GASK1A: variants seen among roughly 807,000 people sequenced by gnomAD.
GASK1A encodes the protein Golgi-associated kinase 1A.
Under a neutral mutation model 41.2 loss-of-function variants are expected in GASK1A, and 40 were observed. The ratio of observed to expected loss-of-function variants is 0.97; its 90% CI spans 0.75 to 1.27. The LOEUF (loss-of-function observed/expected upper bound fraction) is 1.27, where lower values mean the gene tolerates loss of function less well. Among genes scored for constraint, GASK1A ranks in the 50% most tolerant of loss-of-function variants. The probability of loss-of-function intolerance (pLI) is 0.00; values close to 1 mark genes in which losing one functional copy is unlikely to be tolerated. For missense variants in GASK1A, 678 were observed against 745.1 expected, an observed-to-expected ratio of 0.91 and a Z score of 1.05; for synonymous variants, 316 against 307.1, an observed-to-expected ratio of 1.03 and a Z score of -0.30.
At position 43,053,699 on chromosome 3, in the gene GASK1A, C is replaced by T. The variant is rs188905033; in HGVS notation, c.1413+56C>T. ...CCCCAGACCCAGGTCTTTCTGTGTC[C>T]TTCAGAAGATGCTGTTAACAAGTTT... On this transcript the variant is annotated intron_variant, in intron 3 of 4. Transcript: ENST00000430121. 32 of 1,541,416 alleles carry T rather than the reference C, an allele frequency of 2.1e-5. No homozygotes were observed. In the Middle Eastern group the frequency reaches 5.0e-4, roughly 24 times the overall value.
At chr3:42,989,387 C>T (rs749115413) in intron 1 of GASK1A, among the ~76,000 whole-genome samples, 19 of 152,060 alleles carry the variant, frequency 1.2e-4, no homozygotes, top group East Asian at 1.9e-4. Context: ...TTCAGAATGC[C>T]GTTGATCTTT....
chr3:43,044,387 G>A (rs573394415), intron 2 of GASK1A, among the ~76,000 whole-genome samples: 1 of 152,146 alleles, frequency 6.6e-6, no homozygotes, highest in African/African-American at 2.4e-5. Flanking sequence ...CTGGGTGAGT[G>A]GGGGGTGAGG....
chr3:42,993,569 T>C (rs900674138), intron 1 of GASK1A, among the ~76,000 whole-genome samples: 6 of 152,164 alleles, frequency 3.9e-5, no homozygotes, highest in African/African-American at 1.4e-4. Context: ...TTGAGAAGGA[T>C]CTTCAGCTTC....
chr3:43,032,893 C>A lies in GASK1A; in HGVS notation c.630C>A (p.Ala210=), dbSNP rs1484392457. The A allele has an allele frequency of 6.4e-6, 10 of 1,551,072 alleles. No homozygotes were observed. The highest frequency in any genetic ancestry group is 8.7e-6 in the Non-Finnish European group (10 of 1,147,004). The change falls in exon 2 of 5, where the codon GCC becomes GCA. Residue 210 remains alanine, a synonymous_variant. Coordinates refer to ENST00000430121, the MANE Select transcript of GASK1A (RefSeq NM_001129908.3). ...GRDLLGAENR[A]LTGGQQAEDP... Reference sequence around the variant, plus strand: ...ATCTGCTGGGAGCTGAGAACAGAGCCTTGACTGGTGGGCAACAAGCAGAGG... The same window carrying A: ...ATCTGCTGGGAGCTGAGAACAGAGCATTGACTGGTGGGCAACAAGCAGAGG...
chr3:43,032,443 C>T lies in GASK1A; in HGVS notation c.180C>T (p.Ile60=), dbSNP rs1042725411. The change falls in exon 2 of 5, where the codon ATC becomes ATT. Residue 60 remains isoleucine, a synonymous_variant. Coordinates refer to ENST00000430121, the MANE Select transcript of GASK1A (RefSeq NM_001129908.3). ...TAACTGGCGCCCCTGCAACCCATAT[C>T]CGGCAGGCTTTGAGCTCCAGCCGGA... ...QGVTGAPATH[I]RQALSSSRRQ... is the part of the protein sequence containing the mutation. 4.5e-6 allele frequency: 7 copies of T among 1,551,182 alleles called. No homozygotes were observed. The East Asian group carries it at 1.7e-4, about 38-fold the overall frequency.
intron 1 of GASK1A, among the ~76,000 whole-genome samples, chr3:42,983,129 G>T (rs949408909): frequency 2.9e-4 from 44 of 152,188 alleles, no homozygotes; most frequent in African/African-American, 9.4e-4. Flanking sequence ...AAGGCCTGGG[G>T]TTTGCAGTCA....
intron 2 of GASK1A, among the ~76,000 whole-genome samples, chr3:43,051,586 T>G (rs969597406): frequency 2.2e-4 from 34 of 152,230 alleles, no homozygotes; most frequent in Admixed American, 2.2e-3. Context: ...CACAGCCCCT[T>G]GGACATTTCA....
At chr3:43,007,909 T>C (rs751973808) in intron 1 of GASK1A, among the ~76,000 whole-genome samples, 3 of 152,216 alleles carry the variant, frequency 2.0e-5, no homozygotes, top group Non-Finnish European at 2.9e-5. Context: ...GGAGCCTTGG[T>C]TGGCTTTTAA....
At chr3:42,987,447 A>G (rs1181612292) in intron 1 of GASK1A, among the ~76,000 whole-genome samples, 2 of 152,182 alleles carry the variant, frequency 1.3e-5, no homozygotes, top group African/African-American at 4.8e-5. Context: ...AAGGAAAAAA[A>G]GGAGAAAAAA....
At chr3:42,996,593 A>G (rs549772194) in intron 1 of GASK1A, among the ~76,000 whole-genome samples, 1 of 152,366 alleles carries the variant, frequency 6.6e-6, no homozygotes, top group Admixed American at 6.5e-5. Context: ...TCACACAGCA[A>G]GAACACAGCG....
At chr3:42,980,358 C>T (rs2089276436) in intron 1 of GASK1A, among the ~76,000 whole-genome samples, 2 of 152,120 alleles carry the variant, frequency 1.3e-5, no homozygotes, top group South Asian at 4.2e-4. Flanking sequence ...CACATGCAAC[C>T]CCAGGAAAGG....
chr3:43,010,880 C>T (rs1418158719), intron 1 of GASK1A, among the ~76,000 whole-genome samples: 1 of 152,192 alleles, frequency 6.6e-6, no homozygotes, highest in Non-Finnish European at 1.5e-5. Context: ...GATGGCTCCT[C>T]CTACCATATT....
Position 43,032,526 on chromosome 3 carries a change from T to A in GASK1A, c.263T>A (p.Ile88Asn). Residue 88 changes from isoleucine to asparagine, a missense_variant, in exon 2 of 5, where the codon ATC becomes AAC. By Grantham distance (149) the Ile-to-Asn change is moderately radical. Transcript: ENST00000430121. Reference sequence around the variant, plus strand: ...AGCCGTGCTTTGCCCAGGAACTCCATCTTGGTCTGTGCTGAGGAGCAAGGC... The same window carrying A: ...AGCCGTGCTTTGCCCAGGAACTCCAACTTGGTCTGTGCTGAGGAGCAAGGC... ...WRSRALPRNS[I>N]LVCAEEQGHR... 1 of 1,549,618 alleles carries A rather than the reference T, an allele frequency of 6.5e-7. No homozygotes were observed. Among genetic ancestry groups the A allele is most frequent in the Non-Finnish European group, 8.7e-7 (1 of 1,145,274 alleles).
chr3:43,038,033 C>A (rs1452936244), intron 2 of GASK1A, among the ~76,000 whole-genome samples: 2 of 152,098 alleles, frequency 1.3e-5, no homozygotes, highest in Non-Finnish European at 2.9e-5. Flanking sequence ...AGTAATATTG[C>A]CGTTCTGCTG....
chr3:43,053,523 C>T lies in GASK1A; in HGVS notation c.1293C>T (p.Val431=). 6.5e-7 allele frequency: 1 copy of T among 1,546,262 alleles called. No individual in the cohort carries two copies. The highest frequency in any genetic ancestry group is 8.7e-7 in the Non-Finnish European group (1 of 1,143,410). ...CCGAAGGCTGGGTGTCTCCACAGGT[C>T]CACGACCGCTTGGATCGCTACTGCT... ...RLALFDFLLQ[V]HDRLDRYCCG... is the part of the protein sequence containing the mutation. The change falls in exon 3 of 5, where the codon GTC becomes GTT. Residue 431 remains valine (V), a splice_region_variant and synonymous_variant. Transcript: ENST00000430121.
intron 1 of GASK1A, among the ~76,000 whole-genome samples, chr3:43,010,103 T>G (rs1343319534): frequency 3.3e-5 from 5 of 152,216 alleles, no homozygotes; most frequent in African/African-American, 1.2e-4. Flanking sequence ...ATTCCCACAC[T>G]GGTTCCCTGA....
intron 2 of GASK1A, 38 bp from the exon 3 acceptor site, chr3:43,053,483 C>A: frequency 6.7e-7 from 1 of 1,502,374 alleles, no homozygotes; most frequent in Non-Finnish European, 8.9e-7. Flanking sequence ...GAGGCAGGCC[C>A]CCTGCCGCAC....
chr3:42,988,965 C>T (rs2089326998), intron 1 of GASK1A, among the ~76,000 whole-genome samples: 1 of 152,220 alleles, frequency 6.6e-6, no homozygotes, highest in African/African-American at 2.4e-5. Flanking sequence ...AGGAAATTCT[C>T]AAGATATTCT....
At chr3:42,979,728 A>C (rs1006491617) in intron 1 of GASK1A, 83 bp downstream of exon 1, 1 of 1,227,346 alleles carries the variant, frequency 8.1e-7, no homozygotes, top group Non-Finnish European at 1.0e-6. Context: ...GCAGCGGCCC[A>C]GGGCGCGCGC....
Sources: allele counts gnomAD v4.1 joint callset (sites outside exome capture counted in the v4.1 genomes callset), GRCh38; gene constraint gnomAD v4.1.1; transcripts MANE v1.5; gene names NCBI Gene and HGNC (gene_info 2026-07-23, HGNC 2026-07-21).